Variants in PCDH15 observed in about 807,000 individuals in gnomAD.
The protein encoded by PCDH15 is protocadherin-15.
A neutral mutation model predicts 178.5 loss-of-function variants in PCDH15; 129 were observed. The observed-to-expected ratio is 0.72, with a 90% CI of 0.63 to 0.84. PCDH15 has a LOEUF of 0.84. Ranked by LOEUF, PCDH15 falls within the 40% of genes least tolerant of loss-of-function variation. PCDH15 has a pLI of 0.00. For synonymous variants in PCDH15, 800 were observed against 732.0 expected (o/e 1.09, Z -1.50); for missense variants, 2,230 against 2,099.9 (o/e 1.06, Z -1.21).
At chr10:53,869,637 C>A (rs2079691026) in intron 26 of PCDH15, among the ~76,000 whole-genome samples, 1 of 152,020 alleles carries the variant, frequency 6.6e-6, no homozygotes, top group Admixed American at 6.6e-5. Context: ...ACATGACCAG[C>A]ATTTACATCA....
chr10:54,108,891 A>G (rs980012926), intron 15 of PCDH15, among the ~76,000 whole-genome samples: 7 of 152,186 alleles, frequency 4.6e-5, no homozygotes, highest in Non-Finnish European at 1.0e-4. Context: ...TCCTGGGCAA[A>G]AATAGAAACC....
intron 9 of PCDH15, among the ~76,000 whole-genome samples, chr10:54,233,172 G>A (rs2054260257): frequency 6.6e-6 from 1 of 151,832 alleles, no homozygotes; most frequent in South Asian, 2.1e-4. Context: ...TCAAACTCCA[G>A]GTCTCAAGCA....
chr10:54,748,329 CTTAA>C (rs1945747879), intron 1 of PCDH15, among the ~76,000 whole-genome samples: 1 of 152,118 alleles, frequency 6.6e-6, no homozygotes, highest in Non-Finnish European at 1.5e-5. Context: ...GATTTTATTA[CTTAA>C]TTATTGTCTG....
intron 9 of PCDH15, among the ~76,000 whole-genome samples, chr10:54,214,362 A>C (rs908653715): frequency 6.6e-6 from 1 of 152,094 alleles, no homozygotes; most frequent in Non-Finnish European, 1.5e-5. Context: ...TTTTATTATG[A>C]AATTTTATTT....
intron 2 of PCDH15, among the ~76,000 whole-genome samples, chr10:54,555,634 G>A (rs2087128933): frequency 6.6e-6 from 1 of 151,004 alleles, no homozygotes; most frequent in Non-Finnish European, 1.5e-5. Flanking sequence ...CTACTCAGGA[G>A]GCTGAGGCAG....
At chr10:55,086,982 C>A (rs1333508013) in intron 2 of PCDH15, among the ~76,000 whole-genome samples, 1 of 151,988 alleles carries the variant, frequency 6.6e-6, no homozygotes, top group Non-Finnish European at 1.5e-5. Context: ...TAAAAATGTT[C>A]TTTGCAGTAT....
chr10:54,926,207 T>A (rs554889152), intron 2 of PCDH15, among the ~76,000 whole-genome samples: 1 of 152,170 alleles, frequency 6.6e-6, no homozygotes, highest in African/African-American at 2.4e-5. Flanking sequence ...GAGATAATCA[T>A]GTGGCTTTTT....
At chr10:54,629,117 C>T (rs563673605) in intron 2 of PCDH15, among the ~76,000 whole-genome samples, 3 of 151,512 alleles carry the variant, frequency 2.0e-5, no homozygotes, top group South Asian at 4.2e-4. Context: ...ATTATTCCAC[C>T]GGAAGAAAGC....
chr10:54,230,849 T>C (rs1303428285), intron 9 of PCDH15, among the ~76,000 whole-genome samples: 1 of 152,180 alleles, frequency 6.6e-6, no homozygotes, highest in Non-Finnish European at 1.5e-5. Context: ...TTAATACATA[T>C]TACTTTTCAC....
chr10:55,518,736 C>A (rs1352645283), intron 2 of PCDH15, among the ~76,000 whole-genome samples: 2 of 151,590 alleles, frequency 1.3e-5, no homozygotes, highest in Admixed American at 6.6e-5. Context: ...CCCAGATAAG[C>A]ACAACAAAGA....
At chr10:54,326,683 T>A (rs910055658) in intron 7 of PCDH15, among the ~76,000 whole-genome samples, 19 of 152,102 alleles carry the variant, frequency 1.2e-4, no homozygotes, top group African/African-American at 4.3e-4. Flanking sequence ...TCAGGTGACA[T>A]AATTCACTAC....
intron 2 of PCDH15, among the ~76,000 whole-genome samples, chr10:55,592,270 T>A (rs1319387270): frequency 6.6e-6 from 1 of 152,110 alleles, no homozygotes; most frequent in African/African-American, 2.4e-5. Context: ...CTGCCTGATG[T>A]CAGTGGGGTT....
chr10:54,432,005 T>C (rs1957024451), intron 3 of PCDH15, among the ~76,000 whole-genome samples: 1 of 151,880 alleles, frequency 6.6e-6, no homozygotes, highest in Admixed American at 6.6e-5. Flanking sequence ...ACCTAAGAAT[T>C]AGCCAAAGAA....
chr10:55,352,904 A>C (rs1302797899), intron 2 of PCDH15, among the ~76,000 whole-genome samples: 2 of 152,162 alleles, frequency 1.3e-5, no homozygotes, highest in African/African-American at 2.4e-5. Flanking sequence ...TAATCCAGGC[A>C]AAACCATTAC....
intron 3 of PCDH15, among the ~76,000 whole-genome samples, chr10:54,806,413 T>G (rs1233947203): frequency 1.3e-5 from 2 of 151,912 alleles, no homozygotes; most frequent in African/African-American, 4.8e-5. Context: ...AAGGCTCAGC[T>G]GGGGAAGAAT....
chr10:53,834,849 T>G (rs1211919639), intron 29 of PCDH15, among the ~76,000 whole-genome samples: 1 of 152,220 alleles, frequency 6.6e-6, no homozygotes, highest in African/African-American at 2.4e-5. Flanking sequence ...GATGATGATT[T>G]TGATACTGCA....
At chr10:54,269,968 T>TA (rs966474113) in intron 8 of PCDH15, among the ~76,000 whole-genome samples, 2 of 152,070 alleles carry the variant, frequency 1.3e-5, no homozygotes, top group African/African-American at 4.8e-5. Context: ...ACCCATAATT[T>TA]AAAAATATGT....
intron 2 of PCDH15, among the ~76,000 whole-genome samples, chr10:54,613,991 A>G (rs560397353): frequency 9.2e-5 from 14 of 152,054 alleles, no homozygotes; most frequent in African/African-American, 2.4e-4. Flanking sequence ...TTATTTTCTT[A>G]ATAAAGATAA....
intron 1 of PCDH15, among the ~76,000 whole-genome samples, chr10:55,294,786 C>T (rs1843092265): frequency 6.6e-6 from 1 of 152,064 alleles, no homozygotes; most frequent in Admixed American, 6.6e-5. Context: ...ATATTCTGGA[C>T]CAAGGTTACT....
Sources: allele counts gnomAD v4.1 joint callset (sites outside exome capture counted in the v4.1 genomes callset), GRCh38; gene constraint gnomAD v4.1.1; transcripts MANE v1.5; gene names NCBI Gene and HGNC (gene_info 2026-07-23, HGNC 2026-07-21).